Variants in PPM1H observed in about 807,000 individuals in gnomAD.
PPM1H encodes the protein protein phosphatase, Mg2+/Mn2+ dependent 1H, also known as protein phosphatase 1H.
A neutral mutation model predicts 54.9 loss-of-function variants in PPM1H; 27 were observed. That is an observed-to-expected ratio of 0.49 (90% CI 0.36 to 0.68). PPM1H has a LOEUF of 0.68. Among genes scored for constraint, PPM1H ranks in the 30% least tolerant of loss-of-function variants. PPM1H has a pLI of 0.00. For missense variants in PPM1H, 596 were observed against 667.8 expected (o/e 0.89, Z 1.19); for synonymous variants, 305 against 270.8 (o/e 1.13, Z -1.24).
chr12:62,844,119 G>A lies in PPM1H; in HGVS notation c.246-11840C>T, dbSNP rs999785318. 5.3e-5 allele frequency among the ~76,000 whole-genome samples: 8 copies of A among 152,172 alleles called. No individual in the cohort carries two copies. The highest frequency in any genetic ancestry group is 1.9e-4 in the African/African-American group (8 of 41,422). ...GATTCAGAAATTATGATTAAGCATCGAGTTTATTCCAGCGCAGTGCAAAGC... is the reference window on the plus strand; with the variant it reads ...GATTCAGAAATTATGATTAAGCATCAAGTTTATTCCAGCGCAGTGCAAAGC... On this transcript the variant is annotated intron_variant, in intron 1 of 9. Coordinates refer to ENST00000228705, the MANE Select transcript of PPM1H (RefSeq NM_020700.2). This position sits in a 1 kb window ranked among gnomAD's most constrained non-coding sequence, Gnocchi z 5.2.
intron 1 of PPM1H, among the ~76,000 whole-genome samples, chr12:62,881,821 C>T (rs2121046226): frequency 6.6e-6 from 1 of 152,272 alleles, no homozygotes; most frequent in South Asian, 2.1e-4. Context: ...GCTTGCTTGG[C>T]ATAATGCAAA....
intron 1 of PPM1H, among the ~76,000 whole-genome samples, chr12:62,835,724 T>C (rs1868483900): frequency 6.6e-6 from 1 of 151,962 alleles, no homozygotes; most frequent in Non-Finnish European, 1.5e-5. Flanking sequence ...TTAAAGTCAC[T>C]GTGTTTAAAA....
intron 1 of PPM1H, among the ~76,000 whole-genome samples, chr12:62,916,993 A>T (rs1324365618): frequency 6.6e-6 from 1 of 152,158 alleles, no homozygotes; most frequent in Non-Finnish European, 1.5e-5. Context: ...GATTAACAGT[A>T]CCATTCTGAA....
chr12:62,733,535 G>A (rs1265219651), intron 5 of PPM1H, among the ~76,000 whole-genome samples: 1 of 152,126 alleles, frequency 6.6e-6, no homozygotes. Context: ...AGGATTACAG[G>A]TGTGAGCCAC....
chr12:62,695,110 T>A (rs1391370180), intron 6 of PPM1H, among the ~76,000 whole-genome samples: 1 of 152,142 alleles, frequency 6.6e-6, no homozygotes, highest in East Asian at 1.9e-4. Flanking sequence ...GGAGTGAGTC[T>A]GAAATCAAAT....
At chr12:62,905,012 C>G (rs546024381) in intron 1 of PPM1H, among the ~76,000 whole-genome samples, 1 of 152,254 alleles carries the variant, frequency 6.6e-6, no homozygotes, top group East Asian at 1.9e-4. Flanking sequence ...GCCAGTCCCT[C>G]TAGGTTAAAA....
At position 62,924,869 on chromosome 12, in the gene PPM1H, C is replaced by G. The variant is rs558698746; in HGVS notation, c.245+9623G>C. Among the ~76,000 whole-genome samples the G allele has an allele frequency of 3.3e-5, 5 of 152,008 alleles. No homozygotes were observed. In the South Asian group the frequency reaches 1.0e-3, roughly 32 times the overall value. ...CCAGCCTAGCCAACATGGCAAAACC[C>G]CATCTCTACCAAAAATACAAAAAAT... On this transcript the variant is annotated intron_variant, in intron 1 of 9. Transcript: ENST00000228705.
chr12:62,764,673 G>A (rs1013306913), intron 4 of PPM1H, among the ~76,000 whole-genome samples: 2 of 152,154 alleles, frequency 1.3e-5, no homozygotes, highest in Non-Finnish European at 2.9e-5. Flanking sequence ...TAGGCACTGG[G>A]CTCAGATGGG....
chr12:62,682,592 C>A (rs996480434), intron 8 of PPM1H, among the ~76,000 whole-genome samples: 1 of 152,166 alleles, frequency 6.6e-6, no homozygotes, highest in African/African-American at 2.4e-5. Flanking sequence ...GCCTTGAACT[C>A]CTGGGCTCAA....
intron 2 of PPM1H, among the ~76,000 whole-genome samples, chr12:62,823,074 T>C (rs980746533): frequency 6.6e-6 from 1 of 151,934 alleles, no homozygotes; most frequent in African/African-American, 2.4e-5. Context: ...TCACCACCAA[T>C]CCCACAGAAA....
chr12:62,727,475 G>A (rs1357261898), intron 5 of PPM1H, among the ~76,000 whole-genome samples: 2 of 151,936 alleles, frequency 1.3e-5, no homozygotes, highest in Non-Finnish European at 2.9e-5. Flanking sequence ...ATTGATAGAT[G>A]TCTTCCCATA....
rs569440216 is a variant in PPM1H at position 62,883,023 on chromosome 12, G to A, written c.246-50744C>T. Among the ~76,000 whole-genome samples the A allele has an allele frequency of 1.4e-3, 212 of 152,228 alleles. 2 individuals are homozygous for A. Among genetic ancestry groups the A allele is most frequent in the Non-Finnish European group, 2.7e-3 (182 of 68,026 alleles). On this transcript the variant is annotated intron_variant, in intron 1 of 9. Coordinates refer to ENST00000228705, the MANE Select transcript of PPM1H (RefSeq NM_020700.2). ...GTTTCACTCCTCAGAAAGAATCACTGTAGTATATTTATTTATTTCTGTGAG... is the reference window on the plus strand; with the variant it reads ...GTTTCACTCCTCAGAAAGAATCACTATAGTATATTTATTTATTTCTGTGAG...
At chr12:62,927,915 C>G (rs767038283) in intron 1 of PPM1H, among the ~76,000 whole-genome samples, 1 of 152,026 alleles carries the variant, frequency 6.6e-6, no homozygotes, top group Non-Finnish European at 1.5e-5. Context: ...ATCTGAATTT[C>G]CTATAATGAG....
chr12:62,798,689 C>A (rs1433160693), intron 3 of PPM1H, among the ~76,000 whole-genome samples: 1 of 152,106 alleles, frequency 6.6e-6, no homozygotes, highest in Non-Finnish European at 1.5e-5. Flanking sequence ...GGCACTCCAG[C>A]CTTCCTCCTC....
chr12:62,900,742 G>A (rs1194347139), intron 1 of PPM1H, among the ~76,000 whole-genome samples: 2 of 152,004 alleles, frequency 1.3e-5, no homozygotes, highest in Admixed American at 1.3e-4. Context: ...TTACAAAAAG[G>A]GAAGCCAGGC....
At chr12:62,734,475 C>T (rs2120515365) in intron 5 of PPM1H, among the ~76,000 whole-genome samples, 1 of 152,258 alleles carries the variant, frequency 6.6e-6, no homozygotes, top group Admixed American at 6.5e-5. Context: ...AATTGGGAGT[C>T]ACTGAAGTTC....
intron 4 of PPM1H, among the ~76,000 whole-genome samples, chr12:62,754,912 G>A (rs1039508539): frequency 7.2e-5 from 11 of 152,228 alleles, no homozygotes; most frequent in South Asian, 2.1e-4. Context: ...CATGGCTGTC[G>A]GGAGAGTGAG....
chr12:62,744,247 G>A (rs1359097539), intron 4 of PPM1H, among the ~76,000 whole-genome samples: 2 of 151,500 alleles, frequency 1.3e-5, no homozygotes, highest in Non-Finnish European at 1.5e-5. Context: ...GAGGTGAGTG[G>A]ATCACTTGAG....
At chr12:62,826,022 CA>C (rs200995343) in intron 2 of PPM1H, among the ~76,000 whole-genome samples, 5 of 151,478 alleles carry the variant, frequency 3.3e-5, no homozygotes, top group South Asian at 4.2e-4. Context: ...TTTTCTCTAC[CA>C]AAAAAAATGT....
Sources: gnomAD v4.1 joint callset for allele counts (sites outside exome capture counted in the v4.1 genomes callset) on GRCh38, gnomAD v4.1.1 for gene constraint, Gnocchi (gnomAD v3.1) non-coding constraint, MANE v1.5 for transcripts, NCBI Gene and HGNC (gene_info 2026-07-23, HGNC 2026-07-21) for gene names.